The following ATP6V0E1 variants were observed in gnomAD, a reference collection of about 807,000 sequenced individuals.
ATP6V0E1 encodes the protein ATPase H+ transporting V0 subunit e1.
In ATP6V0E1, 4 loss-of-function variants were observed where a neutral mutation model predicts 11.6. The observed-to-expected ratio is 0.35, with a 90% CI of 0.17 to 0.79. The LOEUF is 0.79. Among genes scored for constraint, ATP6V0E1 ranks in the 30% least tolerant of loss-of-function variants. The pLI is 0.54. For synonymous variants in ATP6V0E1, 36 were observed against 34.8 expected, an observed-to-expected ratio of 1.04 and a Z score of -0.13; for missense variants, 105 against 100.0, an observed-to-expected ratio of 1.05 and a Z score of -0.21.
At chr5:173,031,024 A>G (rs2113617355) in intron 3 of ATP6V0E1, among the ~76,000 whole-genome samples, 1 of 151,882 alleles carries the variant, frequency 6.6e-6, no homozygotes, top group Non-Finnish European at 1.5e-5. Flanking sequence ...CGCTCACCGC[A>G]ATCTCTGCCT....
At chr5:172,994,224 T>C (rs1270091060) in intron 1 of ATP6V0E1, among the ~76,000 whole-genome samples, 1 of 151,860 alleles carries the variant, frequency 6.6e-6, no homozygotes, top group African/African-American at 2.4e-5. Flanking sequence ...GGTGGGTCGG[T>C]TGGGTGAAAA....
At chr5:173,008,138 A>C (rs1389204645) in intron 2 of ATP6V0E1, among the ~76,000 whole-genome samples, 4 of 152,162 alleles carry the variant, frequency 2.6e-5, no homozygotes, top group Admixed American at 2.0e-4. Flanking sequence ...TGCTCACTTT[A>C]CAGGAGAAAT....
chr5:172,992,212 G>A (rs1264407134), intron 1 of ATP6V0E1, among the ~76,000 whole-genome samples: 1 of 152,004 alleles, frequency 6.6e-6, no homozygotes, highest in African/African-American at 2.4e-5. Flanking sequence ...CACCACGCCC[G>A]GCTAATTTTT....
intron 3 of ATP6V0E1, chr5:173,020,968 A>G (rs1756473743): frequency 1.9e-6 from 1 of 516,704 alleles, no homozygotes; most frequent in Non-Finnish European, 3.9e-6. Context: ...TGGATGGAGA[A>G]AGGTGCCTGC....
At chr5:173,024,785 G>A (rs951725529) in intron 3 of ATP6V0E1, among the ~76,000 whole-genome samples, 1 of 150,172 alleles carries the variant, frequency 6.7e-6, no homozygotes, top group Non-Finnish European at 1.5e-5. Flanking sequence ...GTTTACATTA[G>A]TATTTTCTCT....
chr5:173,030,881 T>G (rs1756638633), intron 3 of ATP6V0E1, among the ~76,000 whole-genome samples: 1 of 152,176 alleles, frequency 6.6e-6, no homozygotes, highest in South Asian at 2.1e-4. Flanking sequence ...CCCGTATAGC[T>G]GGGACTACAG....
At chr5:173,022,468 G>GT (rs902951532) in intron 3 of ATP6V0E1, among the ~76,000 whole-genome samples, 4 of 152,108 alleles carry the variant, frequency 2.6e-5, no homozygotes, top group African/African-American at 7.2e-5. Context: ...TGCTGCTGCT[G>GT]TTTTTTGTTT....
At chr5:173,005,213 A>G (rs1351811640) in intron 2 of ATP6V0E1, among the ~76,000 whole-genome samples, 3 of 151,748 alleles carry the variant, frequency 2.0e-5, no homozygotes, top group Non-Finnish European at 4.4e-5. Context: ...GAATATATCA[A>G]TTTGAAGAGA....
chr5:173,032,203 C>T (rs1424440807), intron 3 of ATP6V0E1, among the ~76,000 whole-genome samples: 1 of 151,564 alleles, frequency 6.6e-6, no homozygotes, highest in African/African-American at 2.4e-5. Flanking sequence ...AAAATCAAAC[C>T]GCATGCCTTT....
intron 2 of ATP6V0E1, among the ~76,000 whole-genome samples, chr5:173,010,019 C>T (rs900468013): frequency 1.3e-5 from 2 of 152,264 alleles, no homozygotes; most frequent in East Asian, 3.9e-4. Context: ...GCCTTGGCCT[C>T]CCAAAGTGCT....
intron 3 of ATP6V0E1, among the ~76,000 whole-genome samples, chr5:173,021,984 G>C (rs777221263): frequency 5.3e-5 from 8 of 152,154 alleles, no homozygotes; most frequent in Non-Finnish European, 1.0e-4. Flanking sequence ...GCAGTGAGGC[G>C]AGATCGCGCC....
Position 173,007,138 on chromosome 5 carries a change from A to G in ATP6V0E1, c.152+12316A>G, listed in dbSNP as rs112561060. Reference sequence around the variant, plus strand: ...CATTAAGTTAATGGAAAACATGTTTATGACTTTTTTTATTTTTATTGAGAT... The same window carrying G: ...CATTAAGTTAATGGAAAACATGTTTGTGACTTTTTTTATTTTTATTGAGAT... On this transcript the variant is annotated intron_variant, in intron 2 of 3. Coordinates refer to ENST00000519374, the MANE Select transcript of ATP6V0E1 (RefSeq NM_003945.4). 8.7e-3 allele frequency among the ~76,000 whole-genome samples: 1,321 copies of G among 152,264 alleles called. 19 individuals are homozygous for G. Among genetic ancestry groups the G allele is most frequent in the African/African-American group, 0.03 (1,259 of 41,542 alleles).
At chr5:172,985,109 G>T (rs184409687) in intron 1 of ATP6V0E1, among the ~76,000 whole-genome samples, 2 of 152,036 alleles carry the variant, frequency 1.3e-5, no homozygotes, top group African/African-American at 2.4e-5. Context: ...GCCGGGCGTG[G>T]TGGCGGGCGC....
At chr5:172,984,969 A>G (rs1476459268) in intron 1 of ATP6V0E1, among the ~76,000 whole-genome samples, 5 of 152,200 alleles carry the variant, frequency 3.3e-5, no homozygotes, top group African/African-American at 1.2e-4. Context: ...ATTTTTGGCC[A>G]GGTGCCGTGG....
chr5:173,031,375 C>T (rs974881205), intron 3 of ATP6V0E1, among the ~76,000 whole-genome samples: 1 of 151,394 alleles, frequency 6.6e-6, no homozygotes, highest in Non-Finnish European at 1.5e-5. Flanking sequence ...TGAGCCACCG[C>T]ATCCGACCCT....
intron 2 of ATP6V0E1, among the ~76,000 whole-genome samples, chr5:173,015,062 A>G (rs536414660): frequency 6.6e-6 from 1 of 152,270 alleles, no homozygotes; most frequent in African/African-American, 2.4e-5. Context: ...ATGGATTCTC[A>G]TTTTCTGAAT....
intron 1 of ATP6V0E1, among the ~76,000 whole-genome samples, chr5:172,992,236 A>G (rs1755995067): frequency 6.6e-6 from 1 of 152,072 alleles, no homozygotes; most frequent in Admixed American, 6.5e-5. Flanking sequence ...TATTTTCAGT[A>G]GAGACGGGGT....
At chr5:173,027,695 C>T (rs1359988069) in intron 3 of ATP6V0E1, among the ~76,000 whole-genome samples, 1 of 152,050 alleles carries the variant, frequency 6.6e-6, no homozygotes. Flanking sequence ...CTCAAGCGAT[C>T]CTCCCACCTT....
At chr5:172,988,013 T>A (rs1354786459) in intron 1 of ATP6V0E1, among the ~76,000 whole-genome samples, 1 of 152,204 alleles carries the variant, frequency 6.6e-6, no homozygotes, top group Non-Finnish European at 1.5e-5. Context: ...TCGGACCTAA[T>A]CTATTTTCTT....
Sources: allele counts gnomAD v4.1 joint callset (sites outside exome capture counted in the v4.1 genomes callset), GRCh38; gene constraint gnomAD v4.1.1; transcripts MANE v1.5; gene names NCBI Gene and HGNC (gene_info 2026-07-23, HGNC 2026-07-21).